Variants in DNAH9 observed in about 807,000 individuals in gnomAD.
DNAH9 encodes the protein dynein axonemal heavy chain 9.
DNAH9 carries 345 observed loss-of-function variants against 471.6 expected under a neutral mutation model. The observed-to-expected ratio is 0.73, with a 90% CI of 0.67 to 0.80. The LOEUF is 0.80. Among genes scored for constraint, DNAH9 ranks in the 30% least tolerant of loss-of-function variants. The pLI, the probability that DNAH9 is intolerant of heterozygous loss-of-function variation, is 0.00. For missense variants in DNAH9, 5,407 were observed against 5,609.2 expected, an observed-to-expected ratio of 0.96 and a Z score of 1.15; for synonymous variants, 2,093 against 2,123.6, an observed-to-expected ratio of 0.99 and a Z score of 0.40.
intron 17 of DNAH9, among the ~76,000 whole-genome samples, chr17:11,677,471 T>C (rs1318775473): frequency 6.6e-6 from 1 of 152,188 alleles, no homozygotes; most frequent in African/African-American, 2.4e-5. Context: ...ACAATTTTTC[T>C]TTGGTGACAT....
chr17:11,821,477 C>T (rs568600194), intron 45 of DNAH9, among the ~76,000 whole-genome samples: 2 of 152,156 alleles, frequency 1.3e-5, no homozygotes, highest in East Asian at 3.9e-4. Flanking sequence ...ATAGCTTGCT[C>T]TTTTTAAATA....
At chr17:11,684,850 G>A (rs959508962) in intron 19 of DNAH9, among the ~76,000 whole-genome samples, 3 of 152,196 alleles carry the variant, frequency 2.0e-5, no homozygotes, top group Non-Finnish European at 2.9e-5. Context: ...CTTGCACAGT[G>A]TCTGCTGTCT....
chr17:11,744,859 G>T lies in DNAH9; in HGVS notation c.6174G>T (p.Lys2058Asn). The T allele has an allele frequency of 6.2e-7, 1 of 1,614,194 alleles. No individual in the cohort carries two copies. Among genetic ancestry groups the T allele is most frequent in the Non-Finnish European group, 8.5e-7 (1 of 1,180,018 alleles). ...KSVLVVAGSL[K>N]RGDPDRPEDQ... ...TGCTGGTGGTGGCAGGATCCCTGAA[G>T]AGAGGAGACCCTGACCGGCCTGAGG... Residue 2058 changes from lysine to asparagine, a missense_variant, in exon 31 of 69, where the codon AAG (lysine) becomes AAT (asparagine). By Grantham distance (94) the Lys-to-Asn change is moderately conservative. This residue lies in a region of DNAH9 where 4,636 missense variants were observed against 4,900.3 expected (regional missense o/e 0.95). Coordinates refer to ENST00000262442, the MANE Select transcript of DNAH9 (RefSeq NM_001372.4).
At chr17:11,868,985 C>A in intron 50 of DNAH9, 149 bp from the exon 51 acceptor site, 1 of 918,206 alleles carries the variant, frequency 1.1e-6, no homozygotes, top group Non-Finnish European at 1.6e-6. Flanking sequence ...GCTTTCATTT[C>A]GTTCTCTGCC....
intron 10 of DNAH9, among the ~76,000 whole-genome samples, chr17:11,642,701 G>A (rs1034367501): frequency 7.2e-5 from 11 of 152,182 alleles, no homozygotes; most frequent in African/African-American, 2.4e-4. Context: ...ACACGCCCAC[G>A]TGAGAAGCCT....
chr17:11,621,158 C>A (rs2072851401), intron 6 of DNAH9, among the ~76,000 whole-genome samples: 1 of 151,886 alleles, frequency 6.6e-6, no homozygotes, highest in Non-Finnish European at 1.5e-5. Flanking sequence ...CCCTGTAATC[C>A]CAGCCCTTTG....
Position 11,617,594 on chromosome 17 carries a change from A to C in DNAH9, c.1088A>C (p.Gln363Pro). The C allele has an allele frequency of 1.2e-6, 2 of 1,614,126 alleles. No individual in the cohort carries two copies. The highest frequency in any genetic ancestry group is 1.7e-6 in the Non-Finnish European group (2 of 1,180,032). ...CCGGGAAGGCTGACTGTGCTGCTCC[A>C]GGAGATTTGCAACCTTCTCATCCAG... ...RSPGRLTVLL[Q>P]EICNLLIQQA... The change falls in exon 5 of 69, where the codon CAG (glutamine) becomes CCG (proline). Residue 363 changes from glutamine to proline, a missense_variant. Physicochemically the swap from Gln to Pro is moderately conservative, Grantham distance 76. Around this residue, in one of 3 missense-constraint regions of DNAH9, gnomAD observed 767 missense variants for 692.5 expected, o/e 1.11. Transcript: ENST00000262442.
intron 35 of DNAH9, among the ~76,000 whole-genome samples, chr17:11,760,808 G>A (rs1180922098): frequency 6.6e-6 from 1 of 152,154 alleles, no homozygotes; most frequent in African/African-American, 2.4e-5. Flanking sequence ...GTGAGCCGCC[G>A]CGCCCGGCGG....
At chr17:11,673,047 C>T (rs1402487579) in intron 17 of DNAH9, among the ~76,000 whole-genome samples, 4 of 152,178 alleles carry the variant, frequency 2.6e-5, no homozygotes, top group African/African-American at 9.7e-5. Flanking sequence ...ACTCAGTGCT[C>T]CACACCTGCT....
chr17:11,844,322 C>G (rs563631273), intron 49 of DNAH9, among the ~76,000 whole-genome samples: 2 of 152,046 alleles, frequency 1.3e-5, no homozygotes, highest in East Asian at 3.9e-4. Flanking sequence ...GGGAAAAGTC[C>G]AGATTGTATT....
At chr17:11,666,040 A>C (rs1167188996) in intron 15 of DNAH9, among the ~76,000 whole-genome samples, 2 of 152,178 alleles carry the variant, frequency 1.3e-5, no homozygotes, top group African/African-American at 4.8e-5. Flanking sequence ...AACTAAGGAA[A>C]TCAACAACAG....
chr17:11,902,683 G>C, intron 59 of DNAH9, 36 bp from the exon 60 acceptor site: 1 of 1,588,402 alleles, frequency 6.3e-7, no homozygotes. Context: ...CAGCTTTCTG[G>C]AGAAACTGCA....
intron 49 of DNAH9, among the ~76,000 whole-genome samples, chr17:11,839,902 T>G (rs1054671795): frequency 6.6e-6 from 1 of 152,210 alleles, no homozygotes. Flanking sequence ...AAATTTCCCA[T>G]ACGCAATAAT....
chr17:11,892,046 G>T lies in DNAH9; in HGVS notation c.11283+99G>T. The T allele has an allele frequency of 7.3e-7, 1 of 1,371,838 alleles. No homozygotes were observed. The highest frequency in any genetic ancestry group is 1.0e-6 in the Non-Finnish European group (1 of 985,642). The allele number at this position is 1,371,838 out of a possible 1,614,324, so 85.0% of individuals were successfully genotyped here. On this transcript the variant is annotated intron_variant, in intron 58 of 68. Transcript: ENST00000262442. The surrounding 1 kb of genome is among the most constrained non-coding windows in gnomAD (Gnocchi z 4.3). ...TCTTCTTTGAACATCACTTTCCACA[G>T]CATGTCCAGACTATCTGTCTTTGGA... is the stretch of plus-strand genomic sequence containing the variant.
At chr17:11,732,863 A>G (rs749842590) in intron 28 of DNAH9, among the ~76,000 whole-genome samples, 6 of 152,204 alleles carry the variant, frequency 3.9e-5, no homozygotes, top group Middle Eastern at 3.4e-3. Context: ...ACAAGCCCCA[A>G]TAATGGGTTG....
Position 11,599,737 on chromosome 17 carries a change from G to A in DNAH9, c.417+822G>A, listed in dbSNP as rs182661556. On this transcript the variant is annotated intron_variant, in intron 1 of 68. Coordinates refer to ENST00000262442, the MANE Select transcript of DNAH9 (RefSeq NM_001372.4). The stretch of plus-strand genomic sequence containing the variant: ...TAAACTGCCCTGCAAGTCAGGCTGT[G>A]TGCTTATGGAGGCTTGATGCCCTGG... 4.9e-3 allele frequency among the ~76,000 whole-genome samples: 752 copies of A among 152,298 alleles called. 4 individuals are homozygous for A. Among genetic ancestry groups the A allele is most frequent in the African/African-American group, 0.015 (619 of 41,580 alleles).
chr17:11,950,483 A>G (rs1975324143), intron 67 of DNAH9, among the ~76,000 whole-genome samples: 1 of 152,154 alleles, frequency 6.6e-6, no homozygotes, highest in African/African-American at 2.4e-5. Context: ...TTCCCACCTC[A>G]GCCACGTGCG....
At chr17:11,700,983 A>G in intron 23 of DNAH9, 139 bp from the exon 24 acceptor site, 1 of 823,642 alleles carries the variant, frequency 1.2e-6, no homozygotes. Context: ...ATCTCTCTGC[A>G]CCTTCTGGCA....
chr17:11,834,692 A>T lies in DNAH9; in HGVS notation c.9301A>T (p.Asn3101Tyr). 6.2e-7 allele frequency: 1 copy of T among 1,614,120 alleles called. No homozygotes were observed. The highest frequency in any genetic ancestry group is 8.5e-7 in the Non-Finnish European group (1 of 1,180,010). Residue 3101 changes from asparagine to tyrosine, a missense_variant, in exon 49 of 69, where the codon AAT becomes TAT. Physicochemically the swap from Asn to Tyr is moderately radical, Grantham distance 143. This residue lies in a region of DNAH9 where 4,636 missense variants were observed against 4,900.3 expected (regional missense o/e 0.95). Transcript: ENST00000262442. ...AAQEVELKQK[N>Y]EDADKLIQVV... The stretch of plus-strand genomic sequence containing the variant: ...CCAGGAAGTAGAGCTGAAGCAGAAA[A>T]ATGAAGATGCAGACAAACTGATTCA...
Sources: gnomAD v4.1 joint callset for allele counts (sites outside exome capture counted in the v4.1 genomes callset) on GRCh38, gnomAD v4.1.1 for gene constraint, gnomAD v4.1.1 regional missense constraint, Gnocchi (gnomAD v3.1) non-coding constraint, MANE v1.5 for transcripts, NCBI Gene and HGNC (gene_info 2026-07-23, HGNC 2026-07-21) for gene names.